The following ADGRL2 variants were observed in gnomAD, a reference collection of about 807,000 sequenced individuals.
ADGRL2 encodes calcium-independent alpha-latrotoxin receptor 2.
A neutral mutation model predicts 157.4 loss-of-function variants in ADGRL2; 44 were observed. The ratio of observed to expected loss-of-function variants is 0.28; its 90% CI spans 0.22 to 0.36. ADGRL2 has a LOEUF of 0.36. ADGRL2 is among the 10% of genes least tolerant of loss of function. The probability of loss-of-function intolerance (pLI) is 1.00; values close to 1 mark genes in which losing one functional copy is unlikely to be tolerated. For missense variants in ADGRL2, 1,510 were observed against 1,768.9 expected (o/e 0.85, Z 2.63); for synonymous variants, 585 against 624.7 (o/e 0.94, Z 0.95).
At chr1:81,692,220 A>T (rs1256623973) in intron 3 of ADGRL2, among the ~76,000 whole-genome samples, 1 of 152,068 alleles carries the variant, frequency 6.6e-6, no homozygotes, top group East Asian at 1.9e-4. Context: ...CAGCCTGGCC[A>T]ACATGGCGAA....
chr1:81,907,357 T>TTTG, intron 3 of ADGRL2, 127 bp downstream of exon 3: 1 of 693,744 alleles, frequency 1.4e-6, no homozygotes, highest in Non-Finnish European at 2.5e-6. Context: ...AGTTGGGTTT[T>TTTG]TACCTACTAA....
intron 2 of ADGRL2, among the ~76,000 whole-genome samples, chr1:81,840,252 G>T (rs905776550): frequency 6.6e-6 from 1 of 151,956 alleles, no homozygotes; most frequent in African/African-American, 2.4e-5. Flanking sequence ...CAAACATTAG[G>T]ATTTTTAAGT....
intron 2 of ADGRL2, among the ~76,000 whole-genome samples, chr1:81,539,141 G>A (rs1176786124): frequency 2.0e-5 from 3 of 152,030 alleles, no homozygotes; most frequent in Non-Finnish European, 2.9e-5. Context: ...AATTATCCAG[G>A]TTTTTATCAA....
intron 1 of ADGRL2, among the ~76,000 whole-genome samples, chr1:81,410,183 T>C (rs1398715993): frequency 6.6e-6 from 1 of 152,234 alleles, no homozygotes; most frequent in Non-Finnish European, 1.5e-5. Flanking sequence ...TGGGATTTAT[T>C]ATACGATGCT....
chr1:81,473,619 C>T (rs2078215729), intron 2 of ADGRL2, among the ~76,000 whole-genome samples: 1 of 152,130 alleles, frequency 6.6e-6, no homozygotes, highest in Non-Finnish European at 1.5e-5. Context: ...AAGGGCTTTG[C>T]TAATAAATAG....
At chr1:81,572,355 C>T (rs2080712384) in intron 2 of ADGRL2, among the ~76,000 whole-genome samples, 2 of 152,124 alleles carry the variant, frequency 1.3e-5, no homozygotes, top group African/African-American at 4.8e-5. Context: ...TTCTTGAGCA[C>T]CTACAATGTG....
intron 3 of ADGRL2, among the ~76,000 whole-genome samples, chr1:81,603,589 A>G (rs1570615005): frequency 1.3e-5 from 2 of 152,344 alleles, no homozygotes; most frequent in East Asian, 1.9e-4. Flanking sequence ...CTTATATTTC[A>G]CAGTGTCATC....
chr1:81,790,807 A>G (rs1429794064), intron 2 of ADGRL2, among the ~76,000 whole-genome samples: 4 of 152,202 alleles, frequency 2.6e-5, no homozygotes, highest in African/African-American at 9.7e-5. Flanking sequence ...TCTGAATAGT[A>G]TAATACTTCC....
chr1:81,364,703 C>CTTT (rs746793170), intron 1 of ADGRL2, among the ~76,000 whole-genome samples: 1 of 144,326 alleles, frequency 6.9e-6, no homozygotes. Context: ...GTAATTAATT[C>CTTT]TTTTTTTTTT....
intron 2 of ADGRL2, among the ~76,000 whole-genome samples, chr1:81,454,074 T>C (rs2077753066): frequency 6.6e-6 from 1 of 152,164 alleles, no homozygotes; most frequent in South Asian, 2.1e-4. Flanking sequence ...TGAATGAGGA[T>C]TACTGACAGA....
At position 81,459,784 on chromosome 1, in the gene ADGRL2, GTGTGTA is replaced by G. The variant is rs1296908038; in HGVS notation, c.-248+14697_-248+14702del. 6.8e-5 allele frequency among the ~76,000 whole-genome samples: 4 copies of G among 58,614 alleles called. No homozygotes were observed. The South Asian group carries it at 1.9e-3, about 27-fold the overall frequency. The allele number at this position is 58,614 out of a possible 152,430, so 38.5% of individuals were successfully genotyped here. On this transcript the variant is annotated intron_variant, in intron 2 of 24. Transcript: ENST00000370721. ...TATCCTGCTTAGTGTGTGTATGTGT[GTGTGTA>G]TATATATATATGTATGTGTTTGTAT...
At position 81,952,988 on chromosome 1, in the gene ADGRL2, T is replaced by C. The variant is rs1402164434; in HGVS notation, c.1796T>C (p.Leu599Pro). 1 of 1,610,898 alleles carries C rather than the reference T, an allele frequency of 6.2e-7. No homozygotes were observed. Among genetic ancestry groups the C allele is most frequent in the Non-Finnish European group, 8.5e-7 (1 of 1,178,514 alleles). The part of the protein sequence containing the change: ...KDSAGRSYNK[L>P]QKREKTCRAY... Reference sequence around the variant, plus strand: ...TTTTTCTTTTCTTTTACTTAAAAGCTCCAAAAACGAGAGAAGACATGCAGG... The same window carrying C: ...TTTTTCTTTTCTTTTACTTAAAAGCCCCAAAAACGAGAGAAGACATGCAGG... Residue 599 changes from leucine to proline, a missense_variant and splice_region_variant, in exon 10 of 24, where the codon CTC becomes CCC. Around this residue, in one of 4 missense-constraint regions of ADGRL2, gnomAD observed 325 missense variants for 333.2 expected, o/e 0.98. Transcript: ENST00000686636.
chr1:81,358,375 G>C (rs1027057227), intron 1 of ADGRL2, among the ~76,000 whole-genome samples: 17 of 152,154 alleles, frequency 1.1e-4, no homozygotes, highest in Admixed American at 3.3e-4. Flanking sequence ...AGATGCCATT[G>C]TATGCCCTGT....
At chr1:81,598,060 A>G (rs2081269804) in intron 3 of ADGRL2, among the ~76,000 whole-genome samples, 1 of 152,174 alleles carries the variant, frequency 6.6e-6, no homozygotes, top group Non-Finnish European at 1.5e-5. Context: ...TAACAACTGT[A>G]GTGTACTTCT....
chr1:81,456,833 G>C (rs1340424636), intron 2 of ADGRL2, among the ~76,000 whole-genome samples: 1 of 151,912 alleles, frequency 6.6e-6, no homozygotes, highest in Non-Finnish European at 1.5e-5. Context: ...CCACCTGTCT[G>C]CTCCTCCTTT....
At chr1:81,627,982 C>T (rs1210080566) in intron 3 of ADGRL2, among the ~76,000 whole-genome samples, 1 of 152,144 alleles carries the variant, frequency 6.6e-6, no homozygotes, top group Non-Finnish European at 1.5e-5. Flanking sequence ...AAGAGCCAGG[C>T]TTATAGTCTA....
Position 81,943,107 on chromosome 1 carries a change from G to A in ADGRL2, c.548G>A (p.Arg183His), listed in dbSNP as rs1204800213. 7 of 1,613,246 alleles carry A rather than the reference G, an allele frequency of 4.3e-6. No homozygotes were observed. The highest frequency in any genetic ancestry group is 1.1e-5 in the South Asian group (1 of 91,074). ...KIYFMPWTPYRTDTLIEYASL... is the reference protein window; with the variant it reads ...KIYFMPWTPYHTDTLIEYASL... ...TATTTCATGCCCTGGACTCCCTATC[G>A]TACCGATACTTTAATAGAATATGCT... is the stretch of plus-strand genomic sequence containing the variant. Residue 183 changes from arginine to histidine, a missense_variant, in exon 6 of 24, where the codon CGT becomes CAT. This residue lies in a region of ADGRL2 where 361 missense variants were observed against 498.4 expected (regional missense o/e 0.72). Transcript: ENST00000686636. The surrounding 1 kb of genome is among the most constrained non-coding windows in gnomAD (Gnocchi z 5.6).
At chr1:81,758,062 T>C (rs1272622269) in intron 1 of ADGRL2, among the ~76,000 whole-genome samples, 1 of 152,240 alleles carries the variant, frequency 6.6e-6, no homozygotes, top group African/African-American at 2.4e-5. Flanking sequence ...TTTATATTTA[T>C]AACCTTCAAA....
At chr1:81,550,465 A>C (rs542603026) in intron 2 of ADGRL2, among the ~76,000 whole-genome samples, 1 of 152,280 alleles carries the variant, frequency 6.6e-6, no homozygotes, top group South Asian at 2.1e-4. Context: ...GGACTTATTC[A>C]CAGTGGAAAA....
Sources: allele counts gnomAD v4.1 joint callset (sites outside exome capture counted in the v4.1 genomes callset), GRCh38; gene constraint gnomAD v4.1.1; regional missense constraint gnomAD v4.1.1; non-coding constraint Gnocchi (gnomAD v3.1); transcripts MANE v1.5; gene names NCBI Gene and HGNC (gene_info 2026-07-23, HGNC 2026-07-21).